ZNF469: variants seen among roughly 807,000 people sequenced by gnomAD.
ZNF469 encodes the protein zinc finger protein 469.
In ZNF469, 1 loss-of-function variant was observed where a neutral mutation model predicts 1.0. The ratio of observed to expected loss-of-function variants is 1.00; its 90% confidence interval spans 0.35 to 4.73. The LOEUF (loss-of-function observed/expected upper bound fraction) is 4.73, where lower values mean the gene tolerates loss of function less well. ZNF469 is among the 30% of genes most tolerant of loss of function. ZNF469 has a pLI of 0.16. For synonymous variants in ZNF469, 2,703 were observed against 2,363.4 expected (o/e 1.14, Z -4.17); for missense variants, 6,100 against 5,356.3 (o/e 1.14, Z -4.33).
At chr16:88,229,612 C>CG in the ZNF469 span, among the ~76,000 whole-genome samples, 392 of 14,994 alleles carry the variant, frequency 0.026, 1 homozygote, top group Non-Finnish European at 0.14. Context: ...CGCGTGTGTG[C>CG]TGATGTCACG....
chr16:88,267,192 T>C, the ZNF469 span, among the ~76,000 whole-genome samples: 1 of 152,216 alleles, frequency 6.6e-6, no homozygotes, highest in East Asian at 1.9e-4. Context: ...TCTGCCCCTG[T>C]CACTTTGGCT....
Position 88,437,858 on chromosome 16 carries a change from C to T in ZNF469, c.10388C>T (p.Ala3463Val), listed in dbSNP as rs1221491210. 1.9e-6 allele frequency: 3 copies of T among 1,539,594 alleles called. No individual in the cohort carries two copies. The highest frequency in any genetic ancestry group is 1.2e-5 in the South Asian group (1 of 83,698). ...AGGCCGGGAGCGCCGGGACAGAAGGCCCGGGCCCTCGAGGGCACACTGCCC... is the reference window on the plus strand; with the variant it reads ...AGGCCGGGAGCGCCGGGACAGAAGGTCCGGGCCCTCGAGGGCACACTGCCC... ...VRRPGAPGQK[A>V]RALEGTLPSK... Residue 3463 changes from alanine (A) to valine (V), a missense_variant, in exon 3 of 3, where the codon GCC becomes GTC. Transcript: ENST00000565624.
At chr16:88,107,100 G>A in the ZNF469 span, among the ~76,000 whole-genome samples, 1 of 152,166 alleles carries the variant, frequency 6.6e-6, no homozygotes, top group Admixed American at 6.5e-5. Context: ...GCCCGCACGG[G>A]AGGTGCCGTG....
intron 1 of ZNF469, among the ~76,000 whole-genome samples, chr16:88,398,278 A>G (rs989731290): frequency 1.3e-5 from 2 of 152,218 alleles, no homozygotes; most frequent in African/African-American, 4.8e-5. Flanking sequence ...GACAAAGGGA[A>G]ACGTGAACCA....
the ZNF469 span, among the ~76,000 whole-genome samples, chr16:88,175,363 A>C: frequency 6.6e-6 from 1 of 152,212 alleles, no homozygotes; most frequent in Non-Finnish European, 1.5e-5. Flanking sequence ...GCTTTACTTA[A>C]TTGGCACTTA....
Position 88,424,020 on chromosome 16 carries a change from T to C in ZNF469, c.-191-787T>C, listed in dbSNP as rs1191296348. Among the ~76,000 whole-genome samples the C allele has an allele frequency of 6.6e-6, 1 of 152,206 alleles. No individual in the cohort carries two copies. The highest frequency in any genetic ancestry group is 2.4e-5 in the African/African-American group (1 of 41,444). On this transcript the variant is annotated intron_variant, in intron 1 of 2. Coordinates refer to ENST00000565624, the MANE Select transcript of ZNF469 (RefSeq NM_001367624.2). The surrounding 1 kb of genome is among the most constrained non-coding windows in gnomAD (Gnocchi z 4.3). ...TAAAACCATCACGGAGACTGACAAT[T>C]GGACAATCTCCTTCCAAAGTCAAAC...
the ZNF469 span, among the ~76,000 whole-genome samples, chr16:88,284,156 GCGGAGGC>G: frequency 1.3e-5 from 2 of 151,946 alleles, no homozygotes; most frequent in East Asian, 1.9e-4. Flanking sequence ...CCCGAGGTCT[GCGGAGGC>G]TGGTAGACCC....
chr16:88,281,386 A>T, the ZNF469 span, among the ~76,000 whole-genome samples: 1 of 144,086 alleles, frequency 6.9e-6, no homozygotes, highest in Non-Finnish European at 1.5e-5. Context: ...TGTAGATATC[A>T]GTGCATGGGT....
rs1283081398 is a variant in ZNF469, at chr16:88,433,262, G to A, written c.5792G>A (p.Ser1931Asn). The change falls in exon 3 of 3, where the codon AGC becomes AAC. Residue 1931 changes from serine to asparagine, a missense_variant. Transcript: ENST00000565624. Reference protein sequence around the residue: ...GLQELTPAAQSPPRVNPSGLE... With the variant: ...GLQELTPAAQNPPRVNPSGLE... ...CAGGAGCTGACACCTGCTGCCCAGA[G>A]CCCTCCACGAGTGAACCCCTCAGGT... 6.5e-7 allele frequency: 1 copy of A among 1,550,352 alleles called. No homozygotes were observed. The highest frequency in any genetic ancestry group is 8.7e-7 in the Non-Finnish European group (1 of 1,146,952).
the ZNF469 span, among the ~76,000 whole-genome samples, chr16:88,244,032 C>G: frequency 1.6e-5 from 2 of 126,996 alleles, no homozygotes; most frequent in African/African-American, 6.1e-5. Context: ...GTGCACGGAT[C>G]ATCGGTGGAT....
At chr16:88,130,445 C>A in the ZNF469 span, among the ~76,000 whole-genome samples, 4 of 152,270 alleles carry the variant, frequency 2.6e-5, no homozygotes, top group East Asian at 7.7e-4. Context: ...ACTTCACCGG[C>A]ACCAGGTTAC....
At chr16:88,138,719 AAGC>A in the ZNF469 span, among the ~76,000 whole-genome samples, 1 of 152,250 alleles carries the variant, frequency 6.6e-6, no homozygotes, top group African/African-American at 2.4e-5. Flanking sequence ...TAGACATAAA[AAGC>A]AGCCTTCTTA....
At position 88,440,685 on chromosome 16, in the gene ZNF469, C is replaced by T. The variant is rs1906934956; in HGVS notation, c.*1353C>T. The T allele has an allele frequency of 6.6e-6, 1 of 152,180 alleles. No individual in the cohort carries two copies. Among genetic ancestry groups the T allele is most frequent in the African/African-American group, 2.4e-5 (1 of 41,424 alleles). The allele number at this position is 152,180 out of a possible 1,614,324, so 9.4% of individuals were successfully genotyped here. A position where few individuals can be genotyped will look rare whatever the true frequency, so the allele number is the denominator to read the frequency against. ...GTCGCAAACCAAGTGCGGAGGGGCC[C>T]TGAGGTTGTACTGTAAACATCATAG... On this transcript the variant is annotated 3_prime_UTR_variant, in exon 3 of 3. Coordinates refer to ENST00000565624, the MANE Select transcript of ZNF469 (RefSeq NM_001367624.2).
the ZNF469 span, among the ~76,000 whole-genome samples, chr16:88,319,218 C>T: frequency 6.6e-6 from 1 of 152,150 alleles, no homozygotes; most frequent in Admixed American, 6.5e-5. Flanking sequence ...CACTGTCCCC[C>T]TTGGCCTCAC....
chr16:88,176,730 G>A, the ZNF469 span, among the ~76,000 whole-genome samples: 2 of 152,334 alleles, frequency 1.3e-5, no homozygotes, highest in East Asian at 1.9e-4. Context: ...GTGGCCTGCC[G>A]GCCCACATAC....
chr16:88,428,914 CT>C lies in ZNF469; in HGVS notation c.1445del (p.Leu482ArgfsTer20). On this transcript the variant is annotated frameshift_variant, in exon 3 of 3. Transcript: ENST00000565624. LOFTEE classifies it low-confidence loss of function (END_TRUNC). ...GCTCTGCCTCCCCCAGAGTGCCCCC[CT>C]GCCTTGGCCCCAAGTGCTCCCGACC... ...QRLCLPQSAPLPWPQVLPTAR... is the reference protein window; with the variant it reads ...QRLCLPQSAPXPWPQVLPTAR... 1 of 1,546,472 alleles carries C rather than the reference CT, an allele frequency of 6.5e-7. No homozygotes were observed. Among genetic ancestry groups the C allele is most frequent in the Non-Finnish European group, 8.7e-7 (1 of 1,145,514 alleles).
chr16:88,174,404 C>T, the ZNF469 span, among the ~76,000 whole-genome samples: 1 of 151,912 alleles, frequency 6.6e-6, no homozygotes, highest in Admixed American at 6.6e-5. Flanking sequence ...TAGCTGGAGG[C>T]TTCAGTACCC....
the ZNF469 span, among the ~76,000 whole-genome samples, chr16:88,197,040 A>T: frequency 6.6e-6 from 1 of 152,182 alleles, no homozygotes; most frequent in African/African-American, 2.4e-5. Flanking sequence ...GAATTCGTCC[A>T]TCAGTGTTGG....
chr16:88,380,381 GC>G (rs1713361192), upstream of ZNF469, among the ~76,000 whole-genome samples: 2 of 57,722 alleles, frequency 3.5e-5, no homozygotes, highest in African/African-American at 2.8e-4. Flanking sequence ...GCACTCACAC[GC>G]ACTCACAGAC....
Sources: gnomAD v4.1 joint callset for allele counts (sites outside exome capture counted in the v4.1 genomes callset) on GRCh38, gnomAD v4.1.1 for gene constraint, Gnocchi (gnomAD v3.1) non-coding constraint, MANE v1.5 for transcripts, NCBI Gene and HGNC (gene_info 2026-07-23, HGNC 2026-07-21) for gene names.